UMODL1: variants seen among roughly 807,000 people sequenced by gnomAD.
UMODL1 encodes uromodulin-like 1.
In UMODL1, 128 loss-of-function variants were observed where a neutral mutation model predicts 136.3. The ratio of observed to expected loss-of-function variants is 0.94; its 90% CI spans 0.81 to 1.09. The LOEUF is 1.09. Ranked by LOEUF, UMODL1 falls within the 50% of genes least tolerant of loss-of-function variation. The pLI, the probability that UMODL1 is intolerant of heterozygous loss-of-function variation, is 0.00. For missense variants in UMODL1, 1,766 were observed against 1,725.6 expected (o/e 1.02, Z -0.41); for synonymous variants, 721 against 720.0 (o/e 1.00, Z -0.02).
intron 9 of UMODL1, among the ~76,000 whole-genome samples, chr21:42,107,915 G>C (rs141112368): frequency 3.7e-4 from 57 of 152,330 alleles, no homozygotes; most frequent in African/African-American, 1.3e-3. Context: ...TGCGGGGCCA[G>C]TGGGAGCAGT....
Position 42,129,805 on chromosome 21 carries a change from G to T in UMODL1, c.3775+8G>T. 1 of 1,558,318 alleles carries T rather than the reference G, an allele frequency of 6.4e-7. No individual in the cohort carries two copies. Among genetic ancestry groups the T allele is most frequent in the Non-Finnish European group, 8.6e-7 (1 of 1,158,352 alleles). On this transcript the variant is annotated splice_region_variant and intron_variant, in intron 21 of 22. Transcript: ENST00000408910. ...CCCTCATCCGGTCTGAAGGTGAGTT[G>T]ATGACTTGGTTTAGACAATGAAAGA...
chr21:42,116,128 A>T, intron 14 of UMODL1, 143 bp downstream of exon 14: 1 of 350,548 alleles, frequency 2.9e-6, no homozygotes, highest in Non-Finnish European at 5.3e-6. Context: ...TGAGCTCAGG[A>T]GTTCAAGACC....
chr21:42,134,814 G>A (rs10222085), intron 21 of UMODL1, among the ~76,000 whole-genome samples: 38,307 of 150,594 alleles, frequency 0.25, 5,344 homozygotes, highest in Non-Finnish European at 0.32. Flanking sequence ...TAGTAGAGAC[G>A]GGGGTTTTAC....
chr21:42,063,450 G>A (rs1199840937), intron 1 of UMODL1, among the ~76,000 whole-genome samples: 2 of 152,234 alleles, frequency 1.3e-5, no homozygotes, highest in African/African-American at 4.8e-5. Context: ...TCCTGGGGCT[G>A]GAGGCCAGGC....
rs571197657 is a variant in UMODL1 at position 42,121,470 on chromosome 21, C to G, written c.2827+246C>G. Among the ~76,000 whole-genome samples the G allele has an allele frequency of 3.3e-5, 5 of 152,282 alleles. No individual in the cohort carries two copies. In the South Asian group the frequency reaches 1.0e-3, roughly 32 times the overall value. Reference sequence around the variant, plus strand: ...TCCAGGCTTCTGGGCAGTGCCTTATCTCTCCAAGTGCTAGCTCTGATATCC... The same window carrying G: ...TCCAGGCTTCTGGGCAGTGCCTTATGTCTCCAAGTGCTAGCTCTGATATCC... On this transcript the variant is annotated intron_variant, in intron 16 of 22. Coordinates refer to ENST00000408910, the MANE Select transcript of UMODL1 (RefSeq NM_001004416.3).
Position 42,127,136 on chromosome 21 carries a change from G to C in UMODL1, c.3424G>C (p.Gly1142Arg). ...SASDDVRIEV[G>R]LYRQKSNLKV... Reference sequence around the variant, plus strand: ...CAGTGACGATGTCAGGATCGAAGTGGGGCTCTACAGGCAGAAAAGCAACCT... The same window carrying C: ...CAGTGACGATGTCAGGATCGAAGTGCGGCTCTACAGGCAGAAAAGCAACCT... The change falls in exon 19 of 23, where the codon GGG becomes CGG. Residue 1142 changes from glycine to arginine, a missense_variant. Transcript: ENST00000408910. The C allele has an allele frequency of 6.2e-7, 1 of 1,614,166 alleles. No homozygotes were observed. The highest frequency in any genetic ancestry group is 1.3e-5 in the African/African-American group (1 of 75,026).
chr21:42,130,514 T>A (rs1310363123), intron 21 of UMODL1, among the ~76,000 whole-genome samples: 3 of 152,180 alleles, frequency 2.0e-5, no homozygotes, highest in Non-Finnish European at 4.4e-5. Context: ...GTATCTGTTC[T>A]CCTCCCCTTT....
chr21:42,127,420 C>T (rs538738273), intron 19 of UMODL1, among the ~76,000 whole-genome samples, 178 bp downstream of exon 19: 3 of 152,230 alleles, frequency 2.0e-5, no homozygotes, highest in East Asian at 3.9e-4. Context: ...TCATTAAGAA[C>T]AGGTAGGGCT....
At chr21:42,126,931 G>A in intron 18 of UMODL1, 75 bp from the exon 19 acceptor site, 2 of 1,185,634 alleles carry the variant, frequency 1.7e-6, no homozygotes, top group East Asian at 2.3e-5. Flanking sequence ...TGTTTTAGGG[G>A]AGAAGTGGGA....
At chr21:42,091,109 T>C (rs2066486932) in intron 6 of UMODL1, among the ~76,000 whole-genome samples, 1 of 152,234 alleles carries the variant, frequency 6.6e-6, no homozygotes, top group Non-Finnish European at 1.5e-5. Context: ...GATCTCCTAG[T>C]GGGCCACCCT....
At chr21:42,114,730 T>C (rs2066881288) in intron 13 of UMODL1, among the ~76,000 whole-genome samples, 1 of 152,238 alleles carries the variant, frequency 6.6e-6, no homozygotes, top group Non-Finnish European at 1.5e-5. Flanking sequence ...ATGACGTGAA[T>C]TGTGCACGTT....
At position 42,111,009 on chromosome 21, in the gene UMODL1, A is replaced by G; in HGVS notation, c.1787A>G (p.Gln596Arg). The G allele has an allele frequency of 6.2e-7, 1 of 1,612,878 alleles. No homozygotes were observed. The highest frequency in any genetic ancestry group is 8.5e-7 in the Non-Finnish European group (1 of 1,179,676). The change falls in exon 11 of 23, where the codon CAG (glutamine) becomes CGG (arginine). Residue 596 changes from glutamine (Q) to arginine (R), a missense_variant. Physicochemically the swap from Gln to Arg is conservative, Grantham distance 43 (BLOSUM62 1). Transcript: ENST00000408910. Reference protein sequence around the residue: ...FTLSPSPGYPQGTPAAGQAWT... With the variant: ...FTLSPSPGYPRGTPAAGQAWT... ...TTGTCACCCAGTCCTGGGTACCCTCAGGGCACCCCGGCAGCAGGCCAGGCC... is the reference window on the plus strand; with the variant it reads ...TTGTCACCCAGTCCTGGGTACCCTCGGGGCACCCCGGCAGCAGGCCAGGCC...
chr21:42,118,171 G>A (rs1281336502), intron 14 of UMODL1, among the ~76,000 whole-genome samples: 1 of 152,230 alleles, frequency 6.6e-6, no homozygotes, highest in Non-Finnish European at 1.5e-5. Flanking sequence ...ATTAATCCAA[G>A]ACTATGCCAG....
In UMODL1 at chr21:42,085,037, G is replaced by A. The variant is rs2066409174; in HGVS notation, c.482-254G>A. Among the ~76,000 whole-genome samples, 1 of 152,096 alleles carries A rather than the reference G, an allele frequency of 6.6e-6. No individual in the cohort carries two copies. Among genetic ancestry groups the A allele is most frequent in the Non-Finnish European group, 1.5e-5 (1 of 68,016 alleles). On this transcript the variant is annotated intron_variant, in intron 3 of 22. Transcript: ENST00000408910. This position sits in a 1 kb window ranked among gnomAD's most constrained non-coding sequence, Gnocchi z 4.5. ...TCTCTTCAAGGGAAGGCCTGCTGCT[G>A]TGGGTCCCAGGCCCAGCTCACCTCT...
Position 42,137,497 on chromosome 21 carries a change from G to A in UMODL1, c.3834G>A (p.Val1278=), listed in dbSNP as rs1460115806. 6.2e-7 allele frequency: 1 copy of A among 1,614,248 alleles called. No homozygotes were observed. Among genetic ancestry groups the A allele is most frequent in the Non-Finnish European group, 8.5e-7 (1 of 1,180,052 alleles). The change falls in exon 22 of 23, where the codon GTG becomes GTA. Residue 1278 remains valine, a synonymous_variant. Coordinates refer to ENST00000408910, the MANE Select transcript of UMODL1 (RefSeq NM_001004416.3). ...LGAGYVVLIV[V]AIFVLVAGTA... The stretch of plus-strand genomic sequence containing the variant: ...CCGGTTATGTGGTCCTTATTGTGGT[G>A]GCCATCTTCGTGCTGGTGGCGGGAA...
At chr21:42,118,979 C>A (rs1216129757) in intron 14 of UMODL1, 132 bp from the exon 15 acceptor site, 3 of 849,218 alleles carry the variant, frequency 3.5e-6, no homozygotes, top group Non-Finnish European at 3.6e-6. Context: ...GGCCCAGAAC[C>A]AACCTGTGGC....
Position 42,113,724 on chromosome 21 carries a change from G to A in UMODL1, c.2256G>A (p.Thr752=), listed in dbSNP as rs1237285102. ...CTGTGGTCCTAGAGACCTGGAACACGAGTGTGACACTGTCGGGGCTGGAGC... is the reference window on the plus strand; with the variant it reads ...CTGTGGTCCTAGAGACCTGGAACACAAGTGTGACACTGTCGGGGCTGGAGC... ...SPAVVLETWN[T]SVTLSGLEPG... Residue 752 remains threonine, a synonymous_variant, in exon 13 of 23, where the codon ACG becomes ACA. Transcript: ENST00000408910. The A allele has an allele frequency of 8.7e-6, 14 of 1,613,984 alleles. No homozygotes were observed. Among genetic ancestry groups the A allele is most frequent in the Middle Eastern group, 1.6e-4 (1 of 6,084 alleles).
chr21:42,076,368 C>T, intron 2 of UMODL1, 121 bp downstream of exon 2: 1 of 1,465,290 alleles, frequency 6.8e-7, no homozygotes. Context: ...GCACGGCTCC[C>T]AGCCTTGACC....
intron 17 of UMODL1, among the ~76,000 whole-genome samples, chr21:42,124,371 G>A (rs574880025): frequency 1.2e-4 from 18 of 152,326 alleles, no homozygotes; most frequent in Admixed American, 9.8e-4. Context: ...CTCTGGGTTG[G>A]GGAAGTGGCC....
Sources: gnomAD v4.1 joint callset for allele counts (sites outside exome capture counted in the v4.1 genomes callset) on GRCh38, gnomAD v4.1.1 for gene constraint, Gnocchi (gnomAD v3.1) non-coding constraint, MANE v1.5 for transcripts, NCBI Gene and HGNC (gene_info 2026-07-23, HGNC 2026-07-21) for gene names.